LPAR1: variants seen among roughly 807,000 people sequenced by gnomAD.
The protein encoded by LPAR1 is lysophosphatidic acid receptor 1.
Under a neutral mutation model 23.8 loss-of-function variants are expected in LPAR1, and 5 were observed. That is an observed-to-expected ratio of 0.21 (90% confidence interval 0.11 to 0.44). The LOEUF is 0.44. Ranked by LOEUF, LPAR1 falls within the 20% of genes least tolerant of loss-of-function variation. The pLI is 0.99. For missense variants in LPAR1, 311 were observed against 482.8 expected, an observed-to-expected ratio of 0.64 and a Z score of 3.33; for synonymous variants, 160 against 164.7, an observed-to-expected ratio of 0.97 and a Z score of 0.22.
chr9:110,932,075 G>A (rs4978968), intron 5 of LPAR1, among the ~76,000 whole-genome samples: 64,608 of 151,518 alleles, frequency 0.43, 13,989 homozygotes, highest in Admixed American at 0.51. Context: ...TAATTATAAC[G>A]ACCTTATGGC....
At chr9:110,962,218 G>A (rs1394836956) in intron 4 of LPAR1, among the ~76,000 whole-genome samples, 1 of 152,088 alleles carries the variant, frequency 6.6e-6, no homozygotes, top group Non-Finnish European at 1.5e-5. Flanking sequence ...TCATTCCTAA[G>A]TTCCCATCAG....
chr9:110,982,062 T>A (rs1376274946), intron 2 of LPAR1, among the ~76,000 whole-genome samples: 1 of 152,164 alleles, frequency 6.6e-6, no homozygotes, highest in African/African-American at 2.4e-5. Flanking sequence ...TGGAACACAG[T>A]GTGGCAACTC....
At chr9:110,994,665 G>A (rs1044124832) in intron 2 of LPAR1, among the ~76,000 whole-genome samples, 2 of 152,118 alleles carry the variant, frequency 1.3e-5, no homozygotes, top group Non-Finnish European at 2.9e-5. Context: ...AGGAGAGGAA[G>A]GAGCAGGGAT....
At chr9:110,950,785 G>A (rs555204362) in intron 4 of LPAR1, among the ~76,000 whole-genome samples, 100 of 152,216 alleles carry the variant, frequency 6.6e-4, no homozygotes, top group Middle Eastern at 3.4e-3. Context: ...TTTGTGAATA[G>A]AGATGTAAAG....
At chr9:110,904,565 G>A (rs2090566568) in intron 5 of LPAR1, among the ~76,000 whole-genome samples, 1 of 152,162 alleles carries the variant, frequency 6.6e-6, no homozygotes, top group African/African-American at 2.4e-5. Context: ...CATATCAAAT[G>A]ACTCAATATA....
intron 5 of LPAR1, among the ~76,000 whole-genome samples, chr9:110,898,013 T>G (rs2087072840): frequency 6.6e-6 from 1 of 152,180 alleles, no homozygotes; most frequent in African/African-American, 2.4e-5. Context: ...GTAATTAGAA[T>G]CATAGTCTTG....
At chr9:111,008,031 C>T (rs1298691547) in intron 2 of LPAR1, among the ~76,000 whole-genome samples, 1 of 151,746 alleles carries the variant, frequency 6.6e-6, no homozygotes. Flanking sequence ...AAAATTAGCT[C>T]GGTGTGGTCG....
At chr9:110,903,982 T>G in intron 5 of LPAR1, among the ~76,000 whole-genome samples, 1 of 150,490 alleles carries the variant, frequency 6.6e-6, no homozygotes, top group African/African-American at 2.4e-5. Flanking sequence ...ATTTCTTACC[T>G]GAAACCATAT....
At chr9:110,910,153 G>A (rs1330735567) in intron 5 of LPAR1, among the ~76,000 whole-genome samples, 1 of 152,126 alleles carries the variant, frequency 6.6e-6, no homozygotes, top group Non-Finnish European at 1.5e-5. Flanking sequence ...AAAAGTGAAT[G>A]CCTGGCTTCT....
intron 2 of LPAR1, among the ~76,000 whole-genome samples, chr9:111,035,266 A>G (rs2097871916): frequency 6.6e-6 from 1 of 152,074 alleles, no homozygotes; most frequent in Non-Finnish European, 1.5e-5. Flanking sequence ...TCTGTCACCC[A>G]GGCTGTAGTG....
chr9:110,957,225 T>G (rs1486583464), intron 4 of LPAR1, among the ~76,000 whole-genome samples: 3 of 150,390 alleles, frequency 2.0e-5, no homozygotes, highest in African/African-American at 7.3e-5. Context: ...GGCATAGTAG[T>G]GCGCACCTAT....
At chr9:111,024,145 A>G (rs2097632143) in intron 2 of LPAR1, among the ~76,000 whole-genome samples, 1 of 152,118 alleles carries the variant, frequency 6.6e-6, no homozygotes, top group Admixed American at 6.5e-5. Context: ...AACTTCAACA[A>G]GATAGATTCT....
intron 5 of LPAR1, among the ~76,000 whole-genome samples, chr9:110,880,627 A>G (rs1294590843): frequency 6.6e-6 from 1 of 152,202 alleles, no homozygotes; most frequent in Non-Finnish European, 1.5e-5. Context: ...TAGATCCAAA[A>G]CAAGTCAAGG....
chr9:110,880,925 A>G (rs1003424474), intron 5 of LPAR1, among the ~76,000 whole-genome samples: 2 of 152,192 alleles, frequency 1.3e-5, no homozygotes, highest in African/African-American at 4.8e-5. Flanking sequence ...GAAATCCTTC[A>G]ATGCTATGTA....
chr9:110,992,488 T>A (rs2096915362), intron 2 of LPAR1, among the ~76,000 whole-genome samples: 2 of 152,194 alleles, frequency 1.3e-5, no homozygotes, highest in African/African-American at 2.4e-5. Context: ...CTCCTAGGTA[T>A]TTACCCAAGA....
Position 110,941,345 on chromosome 9 carries a change from C to T in LPAR1, c.793+76G>A, listed in dbSNP as rs766395155. ...GGTGAATATTCATACTGTTGGTTAC[C>T]TCTGACATAAAATAATGTGGTTTAT... On this transcript the variant is annotated intron_variant, in intron 5 of 5. Transcript: ENST00000683809. The surrounding 1 kb of genome is among the most constrained non-coding windows in gnomAD (Gnocchi z 6.1). 7 of 1,346,120 alleles carry T rather than the reference C, an allele frequency of 5.2e-6. No individual in the cohort carries two copies. The highest frequency in any genetic ancestry group is 2.1e-4 in the Middle Eastern group (1 of 4,790). 83.4% of individuals were successfully genotyped at this position (1,346,120 alleles called of 1,614,324 possible). A position where few individuals can be genotyped will look rare whatever the true frequency, so the allele number is the denominator to read the frequency against.
chr9:111,002,035 T>C (rs1318251812), intron 2 of LPAR1, among the ~76,000 whole-genome samples: 1 of 152,198 alleles, frequency 6.6e-6, no homozygotes. Flanking sequence ...AGCCAACAAA[T>C]GCAGAACAAG....
At chr9:110,967,423 C>T (rs992132659) in intron 4 of LPAR1, among the ~76,000 whole-genome samples, 2 of 152,124 alleles carry the variant, frequency 1.3e-5, no homozygotes, top group Non-Finnish European at 1.5e-5. Flanking sequence ...CATATTAATT[C>T]GTTTATATGT....
chr9:110,984,389 T>C (rs2096736226), intron 2 of LPAR1, among the ~76,000 whole-genome samples: 1 of 152,086 alleles, frequency 6.6e-6, no homozygotes, highest in Admixed American at 6.6e-5. Flanking sequence ...CCATCCATGT[T>C]GTTGCAAATG....
Sources: allele counts gnomAD v4.1 joint callset (sites outside exome capture counted in the v4.1 genomes callset), GRCh38; gene constraint gnomAD v4.1.1; non-coding constraint Gnocchi (gnomAD v3.1); transcripts MANE v1.5; gene names NCBI Gene and HGNC (gene_info 2026-07-23, HGNC 2026-07-21).